The following PTPRD variants were observed in gnomAD, a reference collection of about 807,000 sequenced individuals.
The protein encoded by PTPRD is protein tyrosine phosphatase receptor type D.
PTPRD carries 34 observed loss-of-function variants against 214.5 expected under a neutral mutation model. The ratio of observed to expected loss-of-function variants is 0.16; its 90% CI spans 0.12 to 0.21. The LOEUF (loss-of-function observed/expected upper bound fraction) is 0.21, where lower values mean the gene tolerates loss of function less well. Ranked by LOEUF, PTPRD falls within the 10% of genes least tolerant of loss-of-function variation. The pLI is 1.00. For synonymous variants in PTPRD, 1,128 were observed against 845.7 expected, an observed-to-expected ratio of 1.33 and a Z score of -5.79; for missense variants, 2,545 against 2,398.7, an observed-to-expected ratio of 1.06 and a Z score of -1.27.
chr9:9,379,959 C>G (rs1013508680), intron 9 of PTPRD, among the ~76,000 whole-genome samples: 1 of 151,964 alleles, frequency 6.6e-6, no homozygotes, highest in Non-Finnish European at 1.5e-5. Context: ...AGAAAATCAT[C>G]TTATTTGCAA....
chr9:10,074,094 G>A (rs1310297987), intron 3 of PTPRD, among the ~76,000 whole-genome samples: 3 of 152,080 alleles, frequency 2.0e-5, no homozygotes, highest in Non-Finnish European at 4.4e-5. Flanking sequence ...TTGCGTGGAG[G>A]TATTTCAGAT....
chr9:8,773,270 T>C (rs764985676), intron 11 of PTPRD, among the ~76,000 whole-genome samples: 25 of 152,326 alleles, frequency 1.6e-4, no homozygotes, highest in African/African-American at 2.6e-4. Context: ...TCTTTCTGTA[T>C]AGCTATCTGT....
At chr9:8,824,308 C>G (rs1411100450) in intron 11 of PTPRD, among the ~76,000 whole-genome samples, 1 of 152,098 alleles carries the variant, frequency 6.6e-6, no homozygotes, top group Non-Finnish European at 1.5e-5. Context: ...TATAAGAGAA[C>G]CTTTGATCCT....
intron 2 of PTPRD, among the ~76,000 whole-genome samples, chr9:10,500,287 G>A (rs1197640806): frequency 6.6e-6 from 1 of 151,584 alleles, no homozygotes; most frequent in African/African-American, 2.4e-5. Flanking sequence ...GAAGGCCACA[G>A]ACTTCATTCA....
At chr9:8,394,273 G>C (rs534246605) in intron 36 of PTPRD, among the ~76,000 whole-genome samples, 53 of 152,110 alleles carry the variant, frequency 3.5e-4, no homozygotes, top group African/African-American at 1.3e-3. Flanking sequence ...CTTGTTGAAG[G>C]GGTGTTTACA....
intron 2 of PTPRD, among the ~76,000 whole-genome samples, chr9:10,432,485 A>G (rs2098689599): frequency 6.6e-6 from 1 of 151,964 alleles, no homozygotes; most frequent in Admixed American, 6.6e-5. Context: ...CAACTAATTT[A>G]TCCTAGTTTT....
At chr9:9,881,970 C>T (rs1198445315) in intron 5 of PTPRD, among the ~76,000 whole-genome samples, 2 of 152,042 alleles carry the variant, frequency 1.3e-5, no homozygotes, top group African/African-American at 4.8e-5. Flanking sequence ...AAAACCCCAT[C>T]CAACTTCCAT....
intron 39 of PTPRD, among the ~76,000 whole-genome samples, chr9:8,372,298 T>C (rs2081793315): frequency 6.6e-6 from 1 of 152,038 alleles, no homozygotes; most frequent in Non-Finnish European, 1.5e-5. Context: ...GTTCTAAATA[T>C]ACACACAGCT....
chr9:8,335,928 G>T (rs964483423), intron 43 of PTPRD, among the ~76,000 whole-genome samples: 2 of 152,142 alleles, frequency 1.3e-5, no homozygotes, highest in African/African-American at 4.8e-5. Flanking sequence ...CCTCTTCAAG[G>T]AGAACTGCAA....
At chr9:8,401,387 T>C (rs1306302408) in intron 36 of PTPRD, among the ~76,000 whole-genome samples, 1 of 152,198 alleles carries the variant, frequency 6.6e-6, no homozygotes, top group Middle Eastern at 3.2e-3. Context: ...TGCCCTCTTC[T>C]TCAGGAATTA....
At chr9:9,480,191 T>C (rs149073108) in intron 8 of PTPRD, among the ~76,000 whole-genome samples, 1 of 152,194 alleles carries the variant, frequency 6.6e-6, no homozygotes, top group Non-Finnish European at 1.5e-5. Context: ...ATGGATAAAA[T>C]GTGAATAATT....
In PTPRD at chr9:10,233,757, G is replaced by A. The variant is rs2890913; in HGVS notation, c.-545+107206C>T. On this transcript the variant is annotated intron_variant, in intron 3 of 45. Transcript: ENST00000381196. ...AGATAAATTTTCATATTCAGCTTGG[G>A]AATTCGTATAACAGACAACATAACG... 3.3e-3 allele frequency among the ~76,000 whole-genome samples: 495 copies of A among 151,898 alleles called. 4 individuals are homozygous for A. The highest frequency in any genetic ancestry group is 0.011 in the African/African-American group (467 of 41,488).
At position 10,382,059 on chromosome 9, in the gene PTPRD, G is replaced by C. The variant is rs568708683; in HGVS notation, c.-599-41042C>G. 2.6e-5 allele frequency among the ~76,000 whole-genome samples: 4 copies of C among 151,926 alleles called. No individual in the cohort carries two copies. The East Asian group carries it at 7.8e-4, about 29-fold the overall frequency. On this transcript the variant is annotated intron_variant, in intron 2 of 45. Coordinates refer to ENST00000381196, the MANE Select transcript of PTPRD (RefSeq NM_002839.4). ...ACTTCTTATTCTTCAAATCCAGTAA[G>C]TCGTCTAATGTCTGCAATTCACTGT...
intron 9 of PTPRD, among the ~76,000 whole-genome samples, chr9:9,330,934 CA>C (rs777216601): frequency 5.4e-5 from 8 of 148,898 alleles, no homozygotes; most frequent in Non-Finnish European, 8.9e-5. Context: ...GATATCTTTG[CA>C]GCAATTAACA....
chr9:8,325,029 T>G (rs1832240394), intron 44 of PTPRD, among the ~76,000 whole-genome samples: 1 of 151,662 alleles, frequency 6.6e-6, no homozygotes, highest in Non-Finnish European at 1.5e-5. Context: ...AGCAAAAATT[T>G]CCTCCCATTC....
At chr9:9,341,537 A>G (rs1341217427) in intron 9 of PTPRD, among the ~76,000 whole-genome samples, 1 of 152,082 alleles carries the variant, frequency 6.6e-6, no homozygotes, top group African/African-American at 2.4e-5. Flanking sequence ...ACATCTGCCA[A>G]TACTAGGATT....
chr9:9,322,636 C>A (rs573883397), intron 9 of PTPRD, among the ~76,000 whole-genome samples: 1 of 152,258 alleles, frequency 6.6e-6, no homozygotes, highest in Admixed American at 6.5e-5. Flanking sequence ...TGACTTGGAT[C>A]ACTGCCCTGT....
intron 11 of PTPRD, among the ~76,000 whole-genome samples, chr9:8,954,366 G>C (rs1356567121): frequency 1.3e-5 from 2 of 151,834 alleles, no homozygotes; most frequent in Non-Finnish European, 2.9e-5. Context: ...CAGGAGGCAA[G>C]GGCTGAAAAC....
intron 3 of PTPRD, among the ~76,000 whole-genome samples, chr9:10,314,814 G>T (rs888184163): frequency 6.6e-6 from 1 of 151,928 alleles, no homozygotes; most frequent in South Asian, 2.1e-4. Context: ...AGGATTAGAA[G>T]TTATGTCTTC....
Sources: allele counts gnomAD v4.1 joint callset (sites outside exome capture counted in the v4.1 genomes callset), GRCh38; gene constraint gnomAD v4.1.1; transcripts MANE v1.5; gene names NCBI Gene and HGNC (gene_info 2026-07-23, HGNC 2026-07-21).